Variants in CNTD1 observed in about 807,000 individuals in gnomAD.
CNTD1 encodes cyclin N-terminal domain-containing protein 1.
CNTD1 carries 17 observed loss-of-function variants against 36.3 expected under a neutral mutation model. The observed-to-expected ratio is 0.47, with a 90% CI of 0.32 to 0.70. CNTD1 has a LOEUF of 0.70. Ranked by LOEUF, CNTD1 falls within the 30% of genes least tolerant of loss-of-function variation. CNTD1 has a pLI of 0.03. For missense variants in CNTD1, 338 were observed against 386.1 expected (o/e 0.88, Z 1.04); for synonymous variants, 128 against 153.3 (o/e 0.83, Z 1.22).
At chr17:42,808,834 G>A (rs995649309) in intron 6 of CNTD1, among the ~76,000 whole-genome samples, 4 of 152,166 alleles carry the variant, frequency 2.6e-5, no homozygotes, top group African/African-American at 9.7e-5. Flanking sequence ...GATTGCTTGA[G>A]CCCAGGAGTT....
Position 42,805,890 on chromosome 17 carries a change from T to C in CNTD1, c.580+6T>C. The C allele has an allele frequency of 1.2e-6, 2 of 1,607,308 alleles. No individual in the cohort carries two copies. The highest frequency in any genetic ancestry group is 1.1e-5 in the South Asian group (1 of 90,082). ...GACGCTCCTAGAGGTTTTAGGTATC[T>C]TACTGTGTTAGGGAATATGGGTTGG... On this transcript the variant is annotated splice_donor_region_variant and intron_variant, in intron 4 of 6. Transcript: ENST00000588408.
Position 42,809,445 on chromosome 17 carries a change from A to C in CNTD1, c.903A>C (p.Gly301=). 1 of 1,614,134 alleles carries C rather than the reference A, an allele frequency of 6.2e-7. No homozygotes were observed. The highest frequency in any genetic ancestry group is 8.5e-7 in the Non-Finnish European group (1 of 1,180,000). ...TCTCTTATGCAATCCTGACTCACGG[A>C]GTGGGAGCCAACACTCCGGGGAGAC... ...AEFSYAILTH[G]VGANTPGRQQ... Residue 301 remains glycine, a synonymous_variant, in exon 7 of 7, where the codon GGA becomes GGC. Coordinates refer to ENST00000588408, the MANE Select transcript of CNTD1 (RefSeq NM_173478.3).
At chr17:42,799,294 G>T in intron 1 of CNTD1, 58 bp downstream of exon 1, 1 of 1,529,012 alleles carries the variant, frequency 6.5e-7, no homozygotes, top group Non-Finnish European at 8.8e-7. Flanking sequence ...GTGTCTTTCA[G>T]GCACCGACCT....
chr17:42,803,065 C>T (rs568881637), intron 1 of CNTD1, among the ~76,000 whole-genome samples: 1 of 152,300 alleles, frequency 6.6e-6, no homozygotes, highest in East Asian at 1.9e-4. Flanking sequence ...CAGATTTACC[C>T]AGCAAACTGG....
chr17:42,806,896 A>G, intron 5 of CNTD1, 78 bp downstream of exon 5: 1 of 1,406,740 alleles, frequency 7.1e-7, no homozygotes, highest in Non-Finnish European at 9.9e-7. Context: ...GGGGAATGGA[A>G]TTAGCCTAGC....
intron 1 of CNTD1, 30 bp downstream of exon 1, chr17:42,799,266 C>T (rs12948972): frequency 5.0e-6 from 8 of 1,593,428 alleles, no homozygotes; most frequent in Non-Finnish European, 6.8e-6. Context: ...GTGCTGGGTT[C>T]TTGGGAGACT....
chr17:42,805,493 G>T, intron 3 of CNTD1: 1 of 342,556 alleles, frequency 2.9e-6, no homozygotes, highest in Non-Finnish European at 5.4e-6. Context: ...GGAAAGGAAG[G>T]GAGATCCAGG....
At position 42,807,818 on chromosome 17, in the gene CNTD1, T is replaced by C; in HGVS notation, c.776T>C (p.Ile259Thr). 6.2e-7 allele frequency: 1 copy of C among 1,614,174 alleles called. No homozygotes were observed. Among genetic ancestry groups the C allele is most frequent in the South Asian group, 1.1e-5 (1 of 91,080 alleles). The part of the protein sequence containing the change: ...KEDFMLLAVG[I>T]IAASAFIQNH... Reference sequence around the variant, plus strand: ...GACTTCATGCTGTTGGCAGTAGGAATCATTGCAGCAAGTGCTTTCATCCAA... The same window carrying C: ...GACTTCATGCTGTTGGCAGTAGGAACCATTGCAGCAAGTGCTTTCATCCAA... The change falls in exon 6 of 7, where the codon ATC (isoleucine) becomes ACC (threonine). Residue 259 changes from isoleucine (I) to threonine (T), a missense_variant. Transcript: ENST00000588408.
Position 42,810,955 on chromosome 17 carries a change from T to C in CNTD1, c.*1420T>C, listed in dbSNP as rs771237927. On this transcript the variant is annotated 3_prime_UTR_variant, in exon 7 of 7. Transcript: ENST00000588408. ...TGCAGATGGACAGAGCAAAACTCAT[T>C]AGTAACTGAGATCTGAGTTAAGTAA... The C allele has an allele frequency of 6.5e-7, 1 of 1,547,288 alleles. No homozygotes were observed. Among genetic ancestry groups the C allele is most frequent in the East Asian group, 2.3e-5 (1 of 42,804 alleles).
chr17:42,801,632 A>T (rs1307866251), intron 1 of CNTD1, among the ~76,000 whole-genome samples: 1 of 148,906 alleles, frequency 6.7e-6, no homozygotes, highest in Non-Finnish European at 1.5e-5. Context: ...TTTGCAGAAC[A>T]TCTAAAAGAA....
Position 42,804,748 on chromosome 17 carries a change from C to T in CNTD1, c.417+352C>T, listed in dbSNP as rs2054850632. On this transcript the variant is annotated intron_variant, in intron 3 of 6. Coordinates refer to ENST00000588408, the MANE Select transcript of CNTD1 (RefSeq NM_173478.3). ...GCTTGAACCTGGGAGGCGGAGGTTG[C>T]AGTGAGCTGAGGTCGTGCCATTGTA... is the stretch of plus-strand genomic sequence containing the variant. Among the ~76,000 whole-genome samples the T allele has an allele frequency of 2.0e-5, 3 of 152,052 alleles. 1 individual carries two copies. In the South Asian group the frequency reaches 6.2e-4, roughly 32 times the overall value.
chr17:42,805,659 A>G (rs1232674848), intron 3 of CNTD1, 63 bp from the exon 4 acceptor site: 6 of 1,422,420 alleles, frequency 4.2e-6, no homozygotes, highest in Admixed American at 2.0e-5. Flanking sequence ...GGCTTTGTGC[A>G]CTCTGTCAAG....
At chr17:42,799,303 C>T (rs1202813711) in intron 1 of CNTD1, 67 bp downstream of exon 1, 1 of 1,482,256 alleles carries the variant, frequency 6.7e-7, no homozygotes, top group Non-Finnish European at 9.1e-7. Context: ...AGGCACCGAC[C>T]TTGAGATTCC....
At chr17:42,802,898 G>A (rs959404173) in intron 1 of CNTD1, among the ~76,000 whole-genome samples, 1 of 152,150 alleles carries the variant, frequency 6.6e-6, no homozygotes, top group Non-Finnish European at 1.5e-5. Flanking sequence ...GAGAAACAGA[G>A]GCAGGCTAAA....
At chr17:42,808,553 T>TAA (rs775660371) in intron 6 of CNTD1, among the ~76,000 whole-genome samples, 31 of 99,886 alleles carry the variant, frequency 3.1e-4, no homozygotes, top group South Asian at 1.3e-3. Context: ...CCCATCTCAT[T>TAA]AAAAAAAAAA....
In CNTD1 at chr17:42,810,904, A is replaced by G. The variant is rs1444047052; in HGVS notation, c.*1369A>G. The G allele has an allele frequency of 1.9e-6, 3 of 1,610,894 alleles. No homozygotes were observed. Among genetic ancestry groups the G allele is most frequent in the South Asian group, 1.1e-5 (1 of 90,152 alleles). ...AGCCGCCACTGCCTCCTGTGTCTTC[A>G]ATCTTGCCTTTCTCCACATCCATCC... is the stretch of plus-strand genomic sequence containing the variant. On this transcript the variant is annotated 3_prime_UTR_variant, in exon 7 of 7. Transcript: ENST00000588408.
At chr17:42,808,101 G>A (rs1191080763) in intron 6 of CNTD1, among the ~76,000 whole-genome samples, 1 of 152,114 alleles carries the variant, frequency 6.6e-6, no homozygotes, top group East Asian at 1.9e-4. Context: ...CCTTTATAAC[G>A]ATAACCTGCT....
Position 42,798,866 on chromosome 17 carries a change from G to A in CNTD1, c.-202G>A. ...GACGTGCTTTCTGATTGGCTGAGGA[G>A]TCCGTGGCCGTTGGGGCGGGAAAAA... is the stretch of plus-strand genomic sequence containing the variant. On this transcript the variant is annotated 5_prime_UTR_variant, in exon 1 of 7. Transcript: ENST00000588408. 2 of 1,441,300 alleles carry A rather than the reference G, an allele frequency of 1.4e-6. No individual in the cohort carries two copies. Among genetic ancestry groups the A allele is most frequent in the Non-Finnish European group, 1.8e-6 (2 of 1,103,082 alleles). The allele number at this position is 1,441,300 out of a possible 1,614,324, so 89.3% of individuals were successfully genotyped here. A position where few individuals can be genotyped will look rare whatever the true frequency, so the allele number is the denominator to read the frequency against.
chr17:42,802,657 G>C (rs1262618473), intron 1 of CNTD1, among the ~76,000 whole-genome samples: 1 of 152,214 alleles, frequency 6.6e-6, no homozygotes, highest in Non-Finnish European at 1.5e-5. Context: ...TGTGTAATGT[G>C]TGTTGAGTAG....
Sources: gnomAD v4.1 joint callset for allele counts (sites outside exome capture counted in the v4.1 genomes callset) on GRCh38, gnomAD v4.1.1 for gene constraint, MANE v1.5 for transcripts, NCBI Gene and HGNC (gene_info 2026-07-23, HGNC 2026-07-21) for gene names.